The following DAB1 variants were observed in gnomAD, a reference collection of about 807,000 sequenced individuals.
DAB1 encodes the protein disabled homolog 1.
A neutral mutation model predicts 64.6 loss-of-function variants in DAB1; 15 were observed. That is an observed-to-expected ratio of 0.23 (90% CI 0.16 to 0.36). The LOEUF (loss-of-function observed/expected upper bound fraction) is 0.36. Ranked by LOEUF, DAB1 falls within the 10% of genes least tolerant of loss-of-function variation. The pLI, the probability that DAB1 is intolerant of heterozygous loss-of-function variation, is 1.00. For synonymous variants in DAB1, 235 were observed against 251.9 expected, an observed-to-expected ratio of 0.93 and a Z score of 0.64; for missense variants, 596 against 706.7, an observed-to-expected ratio of 0.84 and a Z score of 1.78.
chr1:57,471,441 G>C (rs770062698), intron 7 of DAB1, among the ~76,000 whole-genome samples: 1 of 152,152 alleles, frequency 6.6e-6, no homozygotes, highest in Non-Finnish European at 1.5e-5. Context: ...TTAGAATTGT[G>C]ATGCACATGT....
chr1:57,850,315 C>T (rs1653461627), intron 1 of DAB1, among the ~76,000 whole-genome samples: 1 of 152,174 alleles, frequency 6.6e-6, no homozygotes, highest in South Asian at 2.1e-4. Context: ...TTTCTACCTT[C>T]ACATTAGATT....
At chr1:58,412,533 T>C (rs1644681730) in intron 3 of DAB1, among the ~76,000 whole-genome samples, 1 of 152,200 alleles carries the variant, frequency 6.6e-6, no homozygotes, top group Non-Finnish European at 1.5e-5. Context: ...GCCCACCACA[T>C]TGTTTTTAAT....
intron 1 of DAB1, among the ~76,000 whole-genome samples, chr1:57,856,935 C>A (rs966000352): frequency 2.0e-5 from 3 of 152,116 alleles, no homozygotes; most frequent in Non-Finnish European, 4.4e-5. Flanking sequence ...ATATAAGATG[C>A]TCAATAAGTA....
At chr1:57,867,151 G>A (rs544754072) in intron 1 of DAB1, 23 of 152,224 alleles carry the variant, frequency 1.5e-4, no homozygotes, top group South Asian at 4.1e-4. Context: ...GGAGCTCTCC[G>A]TTGCTAACTG....
At chr1:57,210,939 T>C (rs188873568) in intron 2 of DAB1, among the ~76,000 whole-genome samples, 3 of 152,348 alleles carry the variant, frequency 2.0e-5, no homozygotes, top group Admixed American at 1.3e-4. Context: ...ATCTTCATCA[T>C]ATCAATTTCA....
chr1:57,369,942 C>A (rs1215605175), intron 1 of DAB1, among the ~76,000 whole-genome samples: 1 of 152,124 alleles, frequency 6.6e-6, no homozygotes, highest in Non-Finnish European at 1.5e-5. Context: ...TAAATCAAGG[C>A]CTGTGCTCTG....
At chr1:57,813,972 C>T (rs577856569) in intron 6 of DAB1, among the ~76,000 whole-genome samples, 116 of 152,362 alleles carry the variant, frequency 7.6e-4, no homozygotes, top group African/African-American at 2.7e-3. Flanking sequence ...ATCCCATTCT[C>T]TCACTTTCTT....
intron 4 of DAB1, among the ~76,000 whole-genome samples, chr1:58,182,347 G>A (rs190574854): frequency 6.3e-4 from 96 of 151,794 alleles, no homozygotes; most frequent in African/African-American, 2.2e-3. Context: ...AATTTGGTGA[G>A]TTTTTGGGCA....
At chr1:57,221,246 G>T (rs1412872295) in intron 2 of DAB1, among the ~76,000 whole-genome samples, 2 of 151,346 alleles carry the variant, frequency 1.3e-5, no homozygotes, top group Non-Finnish European at 2.9e-5. Flanking sequence ...GGGGCCTATT[G>T]TGGGGTGGGG....
At chr1:57,864,786 A>C (rs1315880580) in intron 1 of DAB1, 1 of 151,762 alleles carries the variant, frequency 6.6e-6, no homozygotes, top group African/African-American at 2.4e-5. Flanking sequence ...CGCTCAAGTG[A>C]TCCTCCTGCC....
intron 7 of DAB1, among the ~76,000 whole-genome samples, chr1:57,528,165 G>T (rs879684892): frequency 2.0e-5 from 3 of 152,072 alleles, no homozygotes; most frequent in Non-Finnish European, 4.4e-5. Context: ...AATTTCAGAA[G>T]AGATTTGAAA....
chr1:58,495,701 T>TAA (rs5774412), intron 3 of DAB1, among the ~76,000 whole-genome samples: 8 of 145,012 alleles, frequency 5.5e-5, no homozygotes, highest in African/African-American at 1.0e-4. Flanking sequence ...TCTTCCACCA[T>TAA]AAAAAAAAAA....
chr1:58,029,388 CA>C (rs71246206), intron 5 of DAB1, among the ~76,000 whole-genome samples: 1 of 152,150 alleles, frequency 6.6e-6, no homozygotes, highest in Non-Finnish European at 1.5e-5. Context: ...GTTGCTGTTA[CA>C]AAAATCTGCC....
chr1:57,248,050 G>A (rs1268653585), intron 2 of DAB1, among the ~76,000 whole-genome samples: 2 of 152,106 alleles, frequency 1.3e-5, no homozygotes, highest in East Asian at 1.9e-4. Context: ...GGACCCTTGT[G>A]GATACCAAAA....
At chr1:57,774,335 T>C (rs1008731871) in intron 6 of DAB1, among the ~76,000 whole-genome samples, 4 of 151,868 alleles carry the variant, frequency 2.6e-5, no homozygotes, top group Admixed American at 2.0e-4. Context: ...ATTCACCTCT[T>C]AATTCCAGTA....
At chr1:57,083,079 G>T (rs1013769173) in intron 4 of DAB1, among the ~76,000 whole-genome samples, 3 of 152,158 alleles carry the variant, frequency 2.0e-5, no homozygotes, top group African/African-American at 7.2e-5. Flanking sequence ...GCTATGCATA[G>T]AGTTCCTGCT....
At chr1:57,285,499 C>T (rs1462044400) in intron 2 of DAB1, among the ~76,000 whole-genome samples, 1 of 152,094 alleles carries the variant, frequency 6.6e-6, no homozygotes, top group Non-Finnish European at 1.5e-5. Context: ...TCTCGAACAC[C>T]TGACCTCAGG....
At chr1:58,439,430 G>C (rs193250784) in intron 3 of DAB1, among the ~76,000 whole-genome samples, 68 of 152,182 alleles carry the variant, frequency 4.5e-4, no homozygotes, top group Admixed American at 1.8e-3. Flanking sequence ...ATTATAGAAG[G>C]GGTATATAAT....
At chr1:57,658,179 T>C (rs1373165707) in intron 6 of DAB1, among the ~76,000 whole-genome samples, 1 of 152,218 alleles carries the variant, frequency 6.6e-6, no homozygotes, top group Non-Finnish European at 1.5e-5. Context: ...ACTATTTCCC[T>C]ATTTGTTCCA....
Sources: allele counts gnomAD v4.1 joint callset (sites outside exome capture counted in the v4.1 genomes callset), GRCh38; gene constraint gnomAD v4.1.1; transcripts MANE v1.5; gene names NCBI Gene and HGNC (gene_info 2026-07-23, HGNC 2026-07-21).